CNTNAP5: variants seen among roughly 807,000 people sequenced by gnomAD.
The protein encoded by CNTNAP5 is contactin associated protein family member 5, also known as contactin-associated protein-like 5.
CNTNAP5 carries 72 observed loss-of-function variants against 150.2 expected under a neutral mutation model. The ratio of observed to expected loss-of-function variants is 0.48; its 90% confidence interval spans 0.40 to 0.58. The LOEUF (loss-of-function observed/expected upper bound fraction) is 0.58, where lower values mean the gene tolerates loss of function less well. Among genes scored for constraint, CNTNAP5 ranks in the 20% least tolerant of loss-of-function variants. The pLI is 0.00. For missense variants in CNTNAP5, 1,636 were observed against 1,626.2 expected (o/e 1.01, Z -0.10); for synonymous variants, 672 against 619.8 (o/e 1.08, Z -1.25).
intron 17 of CNTNAP5, among the ~76,000 whole-genome samples, chr2:124,786,583 AAAAG>A (rs1227807962): frequency 3.9e-5 from 6 of 151,976 alleles, no homozygotes; most frequent in Middle Eastern, 3.4e-3. Context: ...AAAGAAAGAA[AAAAG>A]AAAGAGAAAG....
intron 3 of CNTNAP5, among the ~76,000 whole-genome samples, chr2:124,285,338 T>C (rs750013184): frequency 6.6e-5 from 10 of 152,182 alleles, no homozygotes; most frequent in Non-Finnish European, 1.2e-4. Context: ...TCCCTTTTCA[T>C]AGAGTTATCT....
rs1298997712 is a variant in CNTNAP5, at chr2:124,086,108, TTCAGTTCTATCGATAGAACTGTTTTA to T, written c.82+60388_82+60413del. ...ACTTGTGAATTTGTCTATTTCTCCT[TTCAGTTCTATCGATAGAACTGTTTTA>T]TCAGTTCTATCAGTTATTTCACATA... On this transcript the variant is annotated intron_variant, in intron 1 of 23. Transcript: ENST00000682447. Among the ~76,000 whole-genome samples the T allele has an allele frequency of 2.0e-5, 3 of 152,252 alleles. No individual in the cohort carries two copies. The East Asian group carries it at 5.8e-4, about 29-fold the overall frequency.
intron 19 of CNTNAP5, among the ~76,000 whole-genome samples, chr2:124,843,312 A>AT (rs1323407663): frequency 2.6e-5 from 4 of 151,888 alleles, no homozygotes; most frequent in African/African-American, 4.8e-5. Context: ...CTGGTTCTGT[A>AT]TTTTTGCAAT....
chr2:124,425,593 C>T (rs1692219769), intron 4 of CNTNAP5, among the ~76,000 whole-genome samples: 1 of 152,198 alleles, frequency 6.6e-6, no homozygotes, highest in South Asian at 2.1e-4. Context: ...CCACCATGCA[C>T]CTCTTACTTA....
chr2:124,095,164 A>G (rs1682904435), intron 1 of CNTNAP5, among the ~76,000 whole-genome samples: 1 of 152,194 alleles, frequency 6.6e-6, no homozygotes, highest in African/African-American at 2.4e-5. Context: ...CCATGCAGCC[A>G]TGAAAAAGGA....
intron 1 of CNTNAP5, among the ~76,000 whole-genome samples, chr2:124,049,434 GAACA>G (rs887111471): frequency 6.6e-6 from 1 of 152,148 alleles, no homozygotes; most frequent in African/African-American, 2.4e-5. Flanking sequence ...TTTTCAACCT[GAACA>G]GTCAAAACTT....
intron 4 of CNTNAP5, among the ~76,000 whole-genome samples, chr2:124,430,073 T>A (rs1573990038): frequency 6.6e-6 from 1 of 152,028 alleles, no homozygotes; most frequent in Admixed American, 6.6e-5. Flanking sequence ...TCTAATCCAA[T>A]TGCGAGGTGC....
At chr2:124,578,588 C>T (rs1005506894) in intron 11 of CNTNAP5, among the ~76,000 whole-genome samples, 6 of 151,940 alleles carry the variant, frequency 3.9e-5, no homozygotes, top group Non-Finnish European at 8.8e-5. Flanking sequence ...TTGGGCAATA[C>T]AGTGAAACTT....
chr2:124,570,605 C>A (rs570357456), intron 11 of CNTNAP5, among the ~76,000 whole-genome samples: 83 of 152,078 alleles, frequency 5.5e-4, no homozygotes, highest in African/African-American at 2.0e-3. Context: ...CTTTGTTCAT[C>A]AGTTTCTTTT....
chr2:124,120,864 T>C (rs181343868), intron 1 of CNTNAP5, among the ~76,000 whole-genome samples: 94 of 152,324 alleles, frequency 6.2e-4, no homozygotes, highest in African/African-American at 2.0e-3. Flanking sequence ...CAATCACCCA[T>C]ACCTGAGTCT....
At chr2:124,156,715 C>A (rs944805724) in intron 1 of CNTNAP5, among the ~76,000 whole-genome samples, 4 of 152,088 alleles carry the variant, frequency 2.6e-5, no homozygotes, top group African/African-American at 9.7e-5. Flanking sequence ...GGCTGGTCAC[C>A]TCACCTTAGG....
intron 11 of CNTNAP5, among the ~76,000 whole-genome samples, chr2:124,590,294 C>A (rs747034642): frequency 2.0e-4 from 30 of 152,152 alleles, no homozygotes; most frequent in Non-Finnish European, 4.1e-4. Context: ...CCATTTGTAA[C>A]CTGTAGCAAC....
intron 14 of CNTNAP5, among the ~76,000 whole-genome samples, chr2:124,751,103 C>G (rs1385520276): frequency 6.6e-6 from 1 of 151,770 alleles, no homozygotes; most frequent in East Asian, 1.9e-4. Flanking sequence ...GTGCCTGAAC[C>G]TGGGGTAGAA....
At chr2:124,539,764 C>G (rs568394993) in intron 10 of CNTNAP5, among the ~76,000 whole-genome samples, 87 of 152,192 alleles carry the variant, frequency 5.7e-4, no homozygotes, top group African/African-American at 2.0e-3. Context: ...TTTAGAAAAC[C>G]CATACATAGG....
At chr2:124,525,946 T>A (rs1399682216) in intron 9 of CNTNAP5, among the ~76,000 whole-genome samples, 1 of 152,148 alleles carries the variant, frequency 6.6e-6, no homozygotes, top group Non-Finnish European at 1.5e-5. Context: ...TTGGAACAAA[T>A]GTATTATAAT....
chr2:124,825,771 C>T (rs1682579906), intron 19 of CNTNAP5, among the ~76,000 whole-genome samples: 1 of 152,254 alleles, frequency 6.6e-6, no homozygotes, highest in African/African-American at 2.4e-5. Context: ...TGCTGCTGTA[C>T]TACACCAAGC....
intron 1 of CNTNAP5, among the ~76,000 whole-genome samples, chr2:124,183,130 A>G (rs1685247250): frequency 6.6e-6 from 1 of 152,184 alleles, no homozygotes; most frequent in African/African-American, 2.4e-5. Context: ...TATGATTTAG[A>G]TTCTTCTCTA....
intron 11 of CNTNAP5, among the ~76,000 whole-genome samples, chr2:124,597,175 T>C (rs934726743): frequency 2.0e-5 from 3 of 148,740 alleles, no homozygotes; most frequent in Admixed American, 6.7e-5. Context: ...GTGAATTTGA[T>C]CCTGTCATTA....
chr2:124,676,643 A>G (rs1678944940), intron 13 of CNTNAP5, among the ~76,000 whole-genome samples: 1 of 152,166 alleles, frequency 6.6e-6, no homozygotes, highest in Admixed American at 6.5e-5. Flanking sequence ...TGAGGAGGCT[A>G]CCAAACTCAT....
Sources: allele counts gnomAD v4.1 joint callset (sites outside exome capture counted in the v4.1 genomes callset), GRCh38; gene constraint gnomAD v4.1.1; transcripts MANE v1.5; gene names NCBI Gene and HGNC (gene_info 2026-07-23, HGNC 2026-07-21).